Variants in ZBTB32 observed in about 807,000 individuals in gnomAD.
ZBTB32 encodes zinc finger and BTB domain containing 32.
In ZBTB32, 28 loss-of-function variants were observed where a neutral mutation model predicts 45.3. That is an observed-to-expected ratio of 0.62 (90% CI 0.46 to 0.85). ZBTB32 has a LOEUF of 0.85. ZBTB32 is among the 40% of genes least tolerant of loss of function. The pLI is 0.00. For synonymous variants in ZBTB32, 283 were observed against 255.7 expected (o/e 1.11, Z -1.02); for missense variants, 587 against 624.4 (o/e 0.94, Z 0.64).
intron 1 of ZBTB32, among the ~76,000 whole-genome samples, chr19:35,709,523 C>T (rs1368650656): frequency 2.6e-5 from 4 of 152,060 alleles, no homozygotes; most frequent in South Asian, 2.1e-4. Context: ...GGGTGTGCCC[C>T]GAGCCCCTTG....
intron 1 of ZBTB32, among the ~76,000 whole-genome samples, chr19:35,705,640 T>G (rs1039007442): frequency 6.6e-6 from 1 of 152,032 alleles, no homozygotes; most frequent in Non-Finnish European, 1.5e-5. Context: ...TGGCCAGGCG[T>G]GGTGGCTCAC....
chr19:35,715,732 G>A (rs1968857468), intron 3 of ZBTB32, 25 bp from the exon 4 acceptor site: 2 of 1,586,466 alleles, frequency 1.3e-6, no homozygotes, highest in Non-Finnish European at 1.7e-6. Context: ...AGCCAAGGCT[G>A]TAACTCTTCC....
At position 35,715,668 on chromosome 19, in the gene ZBTB32, C is replaced by T. The variant is rs368537637; in HGVS notation, c.882-89C>T. ...ACAGGGCACGCCAAAGCCCAGCCCC[C>T]GGGGGAGGACTTGGGATACCCCCTC... On this transcript the variant is annotated intron_variant, in intron 3 of 6. Transcript: ENST00000392197. 2.4e-5 allele frequency: 36 copies of T among 1,496,642 alleles called. No homozygotes were observed. In the African/African-American group the frequency reaches 3.1e-4, roughly 13 times the overall value. 92.7% of individuals were successfully genotyped at this position (1,496,642 alleles called of 1,614,324 possible). A position where few individuals can be genotyped will look rare whatever the true frequency, so the allele number is the denominator to read the frequency against.
chr19:35,713,230 G>A (rs185886158), intron 2 of ZBTB32, 197 bp downstream of exon 2: 2 of 152,348 alleles, frequency 1.3e-5, no homozygotes, highest in Admixed American at 6.5e-5. Flanking sequence ...GGAGGCTAGG[G>A]GCAGAATGTG....
chr19:35,707,237 G>GTATATTA (rs1453028046), intron 1 of ZBTB32, among the ~76,000 whole-genome samples: 1 of 150,692 alleles, frequency 6.6e-6, no homozygotes, highest in East Asian at 1.9e-4. Context: ...TGGTATGCAT[G>GTATATTA]TATATTATGA....
At chr19:35,710,538 G>C (rs1409293988) in intron 1 of ZBTB32, among the ~76,000 whole-genome samples, 1 of 151,978 alleles carries the variant, frequency 6.6e-6, no homozygotes, top group Non-Finnish European at 1.5e-5. Flanking sequence ...GATCACCTGA[G>C]GTTAGGAGTT....
At chr19:35,710,896 T>A (rs1968673456) in intron 1 of ZBTB32, among the ~76,000 whole-genome samples, 1 of 152,124 alleles carries the variant, frequency 6.6e-6, no homozygotes, top group Admixed American at 6.5e-5. Flanking sequence ...GCTCAGGGTG[T>A]CATCAGCATA....
chr19:35,716,783 C>T lies in ZBTB32; in HGVS notation c.*31C>T, dbSNP rs1372240435. On this transcript the variant is annotated 3_prime_UTR_variant, in exon 7 of 7. Transcript: ENST00000392197. ...TGTCGGTAGCGTCTTAGCCAAGAGT[C>T]CAATTAAAGAACGAAAAGCGGGCCG... The T allele has an allele frequency of 2.5e-6, 4 of 1,579,366 alleles. No homozygotes were observed. The highest frequency in any genetic ancestry group is 3.4e-5 in the Admixed American group (2 of 58,144).
In ZBTB32 at chr19:35,715,319, C is replaced by T. The variant is rs748242856; in HGVS notation, c.693C>T (p.Gly231=). 14 of 1,591,042 alleles carry T rather than the reference C, an allele frequency of 8.8e-6. No homozygotes were observed. Among genetic ancestry groups the T allele is most frequent in the African/African-American group, 2.7e-5 (2 of 73,744 alleles). ...AGGAAAGTCTGCGCAAGCTCCCTGG[C>T]CCCCTTCCCCCAGCAGGCTCCCTGC... ...GSEESLRKLP[G]PLPPAGSLQT... is the part of the protein sequence containing the mutation. The change falls in exon 3 of 7, where the codon GGC becomes GGT. Residue 231 remains glycine (G), a synonymous_variant. Transcript: ENST00000392197.
At chr19:35,709,171 T>A (rs577793760) in intron 1 of ZBTB32, among the ~76,000 whole-genome samples, 1 of 152,270 alleles carries the variant, frequency 6.6e-6, no homozygotes, top group South Asian at 2.1e-4. Context: ...TCGCTCTTAA[T>A]CTATATAAAA....
intron 3 of ZBTB32, 82 bp from the exon 4 acceptor site, chr19:35,715,675 G>A: frequency 2.0e-6 from 3 of 1,505,532 alleles, no homozygotes; most frequent in Non-Finnish European, 2.7e-6. Flanking sequence ...CCCCGGGGGA[G>A]GACTTGGGAT....
intron 1 of ZBTB32, among the ~76,000 whole-genome samples, chr19:35,708,021 C>G (rs562827434): frequency 2.0e-5 from 3 of 152,066 alleles, no homozygotes; most frequent in Non-Finnish European, 4.4e-5. Context: ...ACATTCTGAA[C>G]CTGATGGTGA....
At chr19:35,708,799 C>CT (rs752079455) in intron 1 of ZBTB32, among the ~76,000 whole-genome samples, 2 of 150,658 alleles carry the variant, frequency 1.3e-5, no homozygotes, top group African/African-American at 2.4e-5. Flanking sequence ...GACGGAACAT[C>CT]TTTTTTTTCT....
chr19:35,705,955 G>C (rs537619336), intron 1 of ZBTB32, among the ~76,000 whole-genome samples: 1 of 149,832 alleles, frequency 6.7e-6, no homozygotes, highest in African/African-American at 2.5e-5. Flanking sequence ...AGGGCCAGGC[G>C]TGGGGGCTCA....
rs142807514 is a variant in ZBTB32, at chr19:35,715,022, G to A, written c.396G>A (p.Glu132=). The part of the protein sequence containing the change: ...PGLKKHQEEP[E]KPSRNPEREL... ...TGAAGAAACATCAGGAGGAGCCAGA[G>A]AAACCCTCAAGGAATCCTGAGAGAG... Residue 132 remains glutamate, a synonymous_variant, in exon 3 of 7, where the codon GAG becomes GAA. Transcript: ENST00000392197. 1,235 of 1,612,276 alleles carry A rather than the reference G, an allele frequency of 7.7e-4. No individual in the cohort carries two copies. Among genetic ancestry groups the A allele is most frequent in the Non-Finnish European group, 1.0e-3 (1,200 of 1,179,482 alleles).
chr19:35,713,288 G>C (rs757171948), intron 2 of ZBTB32: 1 of 152,264 alleles, frequency 6.6e-6, no homozygotes, highest in Non-Finnish European at 1.5e-5. Flanking sequence ...GCAGAAGGCA[G>C]AGGCAGGGTT....
chr19:35,716,420 G>A, intron 6 of ZBTB32, 58 bp from the exon 7 acceptor site: 5 of 1,584,974 alleles, frequency 3.2e-6, no homozygotes, highest in Non-Finnish European at 2.6e-6. Flanking sequence ...CCCCTAACTT[G>A]GCCAGCTTTC....
chr19:35,710,579 C>T (rs1348359613), intron 1 of ZBTB32, among the ~76,000 whole-genome samples: 1 of 152,076 alleles, frequency 6.6e-6, no homozygotes, highest in Admixed American at 6.6e-5. Context: ...TGGTGAAACC[C>T]CATCTCTACT....
chr19:35,710,356 G>C (rs2146412833), intron 1 of ZBTB32, among the ~76,000 whole-genome samples: 1 of 152,246 alleles, frequency 6.6e-6, no homozygotes, highest in East Asian at 1.9e-4. Context: ...GCTTGTGTCT[G>C]CATAACCTGT....
Sources: allele counts gnomAD v4.1 joint callset (sites outside exome capture counted in the v4.1 genomes callset), GRCh38; gene constraint gnomAD v4.1.1; transcripts MANE v1.5; gene names NCBI Gene and HGNC (gene_info 2026-07-23, HGNC 2026-07-21).